Variants in NT5M observed in about 807,000 individuals in gnomAD.
The protein encoded by NT5M is 5'(3')-deoxyribonucleotidase, mitochondrial.
In NT5M, 22 loss-of-function variants were observed where a neutral mutation model predicts 22.2. That is an observed-to-expected ratio of 0.99 (90% CI 0.71 to 1.41). The LOEUF (loss-of-function observed/expected upper bound fraction) is 1.41, where lower values mean the gene tolerates loss of function less well. Ranked by LOEUF, NT5M falls within the 40% of genes most tolerant of loss-of-function variation. The pLI, the probability that NT5M is intolerant of heterozygous loss-of-function variation, is 0.00. For missense variants in NT5M, 322 were observed against 314.8 expected, an observed-to-expected ratio of 1.02 and a Z score of -0.17; for synonymous variants, 167 against 133.0, an observed-to-expected ratio of 1.26 and a Z score of -1.76.
At chr17:17,345,930 G>A (rs1567903952) in intron 4 of NT5M, among the ~76,000 whole-genome samples, 1 of 152,250 alleles carries the variant, frequency 6.6e-6, no homozygotes, top group Non-Finnish European at 1.5e-5. Context: ...CTGCCCGTGA[G>A]TGTTGTTTCT....
In NT5M at chr17:17,344,963, C is replaced by T. The variant is rs775573563; in HGVS notation, c.544+55C>T. On this transcript the variant is annotated intron_variant, in intron 4 of 4. Transcript: ENST00000389022. ...GTGGGGAGGGCCCCAGCCTTGGCCC[C>T]CTTCTCCTGGGCAGTGAGCACTCAG... 38 of 1,609,440 alleles carry T rather than the reference C, an allele frequency of 2.4e-5. No homozygotes were observed. In the South Asian group the frequency reaches 2.4e-4, roughly 10 times the overall value.
At chr17:17,318,977 G>A (rs945782627) in intron 2 of NT5M, among the ~76,000 whole-genome samples, 5 of 151,854 alleles carry the variant, frequency 3.3e-5, no homozygotes, top group Non-Finnish European at 4.4e-5. Flanking sequence ...TTGGGAGGCC[G>A]AGGCACGTGG....
At chr17:17,312,404 G>A (rs993544395) in intron 2 of NT5M, among the ~76,000 whole-genome samples, 5 of 152,116 alleles carry the variant, frequency 3.3e-5, no homozygotes, top group African/African-American at 1.2e-4. Context: ...CACTTTGGGA[G>A]GCCAAGGTGG....
intron 3 of NT5M, among the ~76,000 whole-genome samples, chr17:17,335,279 A>G (rs2049483662): frequency 6.6e-6 from 1 of 150,976 alleles, no homozygotes; most frequent in South Asian, 2.1e-4. Flanking sequence ...TTTTTTTGAG[A>G]TGGAGTCTTG....
intron 2 of NT5M, among the ~76,000 whole-genome samples, chr17:17,308,523 C>T (rs928089969): frequency 1.3e-5 from 2 of 151,396 alleles, no homozygotes; most frequent in African/African-American, 2.4e-5. Flanking sequence ...ACCTGGGAGG[C>T]GGAGGTTGCA....
rs1426434891 is a variant in NT5M at position 17,327,139 on chromosome 17, C to T, written c.429+3894C>T. On this transcript the variant is annotated intron_variant, in intron 3 of 4. Transcript: ENST00000389022. Reference sequence around the variant, plus strand: ...TCATGTTGGCCAGGCTGGTCTCTAGCTCCTGACCTCGTGATCCACCCATCT... The same window carrying T: ...TCATGTTGGCCAGGCTGGTCTCTAGTTCCTGACCTCGTGATCCACCCATCT... Among the ~76,000 whole-genome samples the T allele has an allele frequency of 1.0e-4, 6 of 60,292 alleles. 3 individuals carry two copies. Among genetic ancestry groups the T allele is most frequent in the Non-Finnish European group, 2.2e-4 (6 of 27,228 alleles). 39.6% of individuals were successfully genotyped at this position (60,292 alleles called of 152,430 possible).
intron 2 of NT5M, among the ~76,000 whole-genome samples, chr17:17,321,074 G>A (rs1258011752): frequency 6.6e-6 from 1 of 152,092 alleles, no homozygotes; most frequent in Non-Finnish European, 1.5e-5. Context: ...GAATGTGGGG[G>A]TCAAGGCTGT....
chr17:17,332,070 G>A (rs895700607), intron 3 of NT5M, among the ~76,000 whole-genome samples: 2 of 151,908 alleles, frequency 1.3e-5, no homozygotes, highest in East Asian at 1.9e-4. Context: ...GTGAGCCACC[G>A]CATCCGGCCT....
intron 2 of NT5M, among the ~76,000 whole-genome samples, chr17:17,318,816 A>T (rs1018450532): frequency 1.4e-5 from 2 of 141,226 alleles, no homozygotes; most frequent in African/African-American, 5.2e-5. Flanking sequence ...AAAAGGAATG[A>T]CCTACCCATT....
chr17:17,346,188 C>T (rs1323869146), intron 4 of NT5M, among the ~76,000 whole-genome samples: 2 of 149,372 alleles, frequency 1.3e-5, no homozygotes, highest in African/African-American at 4.9e-5. Flanking sequence ...TCAGGGCAGA[C>T]AGTGGTCTGT....
rs552459236 is a variant in NT5M, at chr17:17,319,452, C to G, written c.369-3733C>G. On this transcript the variant is annotated intron_variant, in intron 2 of 4. Transcript: ENST00000389022. ...AGGTGAATATTAGGATATATGAATTCTATCTCAGTAAAACTTTTAAGAAAT... is the reference window on the plus strand; with the variant it reads ...AGGTGAATATTAGGATATATGAATTGTATCTCAGTAAAACTTTTAAGAAAT... Among the ~76,000 whole-genome samples the G allele has an allele frequency of 2.0e-5, 3 of 152,164 alleles. No individual in the cohort carries two copies. The South Asian group carries it at 6.2e-4, about 32-fold the overall frequency.
intron 2 of NT5M, among the ~76,000 whole-genome samples, chr17:17,322,005 A>T (rs1189566201): frequency 6.6e-6 from 1 of 151,912 alleles, no homozygotes; most frequent in African/African-American, 2.4e-5. Flanking sequence ...TTGGAGGTGG[A>T]GAGGAAGTTG....
intron 2 of NT5M, among the ~76,000 whole-genome samples, chr17:17,319,690 T>G (rs1295246154): frequency 6.6e-6 from 1 of 152,246 alleles, no homozygotes; most frequent in Admixed American, 6.5e-5. Flanking sequence ...GGAAAGTAGA[T>G]GGGTGGTTGC....
At chr17:17,315,870 G>A (rs1381324617) in intron 2 of NT5M, among the ~76,000 whole-genome samples, 1 of 145,564 alleles carries the variant, frequency 6.9e-6, no homozygotes, top group African/African-American at 2.6e-5. Context: ...TTCTGCCTCA[G>A]CCTCCCAAGT....
At position 17,312,370 on chromosome 17, in the gene NT5M, G is replaced by A. The variant is rs137890774; in HGVS notation, c.368+5727G>A. On this transcript the variant is annotated intron_variant, in intron 2 of 4. Transcript: ENST00000389022. ...CAAAAGTATTCTAGCGGCCAGGCAC[G>A]GTGGCTCACACCTGTAATCCCAGCA... is the stretch of plus-strand genomic sequence containing the variant. Among the ~76,000 whole-genome samples, 796 of 152,200 alleles carry A rather than the reference G, an allele frequency of 5.2e-3. 7 individuals are homozygous for A. The highest frequency in any genetic ancestry group is 0.018 in the African/African-American group (751 of 41,526).
At chr17:17,340,816 G>A (rs562145182) in intron 3 of NT5M, among the ~76,000 whole-genome samples, 12 of 152,160 alleles carry the variant, frequency 7.9e-5, no homozygotes, top group South Asian at 2.1e-4. Flanking sequence ...GAGCCACCGC[G>A]CCCGGCCTGC....
chr17:17,331,167 G>A lies in NT5M; in HGVS notation c.429+7922G>A, dbSNP rs2049377195. Among the ~76,000 whole-genome samples, 3 of 151,542 alleles carry A rather than the reference G, an allele frequency of 2.0e-5. No homozygotes were observed. The South Asian group carries it at 6.2e-4, about 31-fold the overall frequency. On this transcript the variant is annotated intron_variant, in intron 3 of 4. Coordinates refer to ENST00000389022, the MANE Select transcript of NT5M (RefSeq NM_020201.4). ...TGTAAAGAAACCCTAGGTTCTTTTGGGGATGGCACGGCCACACTGCCAGCA... is the reference window on the plus strand; with the variant it reads ...TGTAAAGAAACCCTAGGTTCTTTTGAGGATGGCACGGCCACACTGCCAGCA...
rs1380099530 is a variant in NT5M, at chr17:17,344,995, C to A, written c.544+87C>A. The A allele has an allele frequency of 5.8e-6, 9 of 1,560,892 alleles. No homozygotes were observed. The Admixed American group carries it at 7.2e-5, about 12-fold the overall frequency. On this transcript the variant is annotated intron_variant, in intron 4 of 4. Transcript: ENST00000389022. ...CTGGGCAGTGAGCACTCAGTTGCTT[C>A]CTGCCCCACTTAGTCACCAGCTGTT...
intron 3 of NT5M, among the ~76,000 whole-genome samples, chr17:17,330,576 A>G (rs1372126054): frequency 2.0e-5 from 3 of 151,910 alleles, no homozygotes; most frequent in Non-Finnish European, 4.4e-5. Flanking sequence ...AGGTTTCACC[A>G]CATTGGCCAG....
Sources: gnomAD v4.1 joint callset for allele counts (sites outside exome capture counted in the v4.1 genomes callset) on GRCh38, gnomAD v4.1.1 for gene constraint, MANE v1.5 for transcripts, NCBI Gene and HGNC (gene_info 2026-07-23, HGNC 2026-07-21) for gene names.